Variants in PIEZO2 observed in about 807,000 individuals in gnomAD.
The protein encoded by PIEZO2 is piezo type mechanosensitive ion channel component 2.
A neutral mutation model predicts 337.3 loss-of-function variants in PIEZO2; 172 were observed. The observed-to-expected ratio is 0.51, with a 90% CI of 0.45 to 0.58. PIEZO2 has a LOEUF of 0.58. Ranked by LOEUF, PIEZO2 falls within the 20% of genes least tolerant of loss-of-function variation. PIEZO2 has a pLI of 0.00. For synonymous variants in PIEZO2, 1,251 were observed against 1,228.5 expected (o/e 1.02, Z -0.38); for missense variants, 3,028 against 3,391.3 (o/e 0.89, Z 2.66).
chr18:11,094,628 C>A lies in PIEZO2; in HGVS notation c.65-28406G>T, dbSNP rs2039209294. The stretch of plus-strand genomic sequence containing the variant: ...GCAACGGCACCCTGGCCCTTCCTAC[C>A]TAACTCCAGCTGCTCTTCCATTTCT... On this transcript the variant is annotated intron_variant, in intron 1 of 55. Transcript: ENST00000674853. The surrounding 1 kb of genome is among the most constrained non-coding windows in gnomAD (Gnocchi z 4.4). Among the ~76,000 whole-genome samples, 1 of 152,204 alleles carries A rather than the reference C, an allele frequency of 6.6e-6. No individual in the cohort carries two copies. The highest frequency in any genetic ancestry group is 6.5e-5 in the Admixed American group (1 of 15,282).
At chr18:11,014,956 A>G (rs1017381718) in intron 2 of PIEZO2, among the ~76,000 whole-genome samples, 1 of 137,260 alleles carries the variant, frequency 7.3e-6, no homozygotes, top group Non-Finnish European at 1.5e-5. Flanking sequence ...AGCGGGGAAC[A>G]TGTCACCCTG....
intron 7 of PIEZO2, among the ~76,000 whole-genome samples, chr18:10,849,900 C>G (rs1472076418): frequency 6.6e-6 from 1 of 152,180 alleles, no homozygotes; most frequent in Non-Finnish European, 1.5e-5. Flanking sequence ...TGGTATATTA[C>G]TGGTCTTAGA....
intron 54 of PIEZO2, 78 bp downstream of exon 54, chr18:10,675,131 G>A: frequency 2.0e-6 from 2 of 1,014,560 alleles, no homozygotes; most frequent in Non-Finnish European, 2.9e-6. Flanking sequence ...GTTTCATGAA[G>A]GTCCAAAGCA....
chr18:10,871,940 C>G (rs1217445949), intron 4 of PIEZO2, among the ~76,000 whole-genome samples: 1 of 152,100 alleles, frequency 6.6e-6, no homozygotes, highest in African/African-American at 2.4e-5. Flanking sequence ...CTTTTAATCC[C>G]AGAGAAACAA....
chr18:10,806,444 G>A (rs750948438), intron 8 of PIEZO2, among the ~76,000 whole-genome samples: 30 of 152,174 alleles, frequency 2.0e-4, no homozygotes, highest in Non-Finnish European at 4.1e-4. Context: ...CCTCCCCTCA[G>A]AAATGCTGTG....
At chr18:11,082,850 G>C (rs1385537976) in intron 1 of PIEZO2, among the ~76,000 whole-genome samples, 1 of 152,014 alleles carries the variant, frequency 6.6e-6, no homozygotes, top group Non-Finnish European at 1.5e-5. Context: ...GTACACCCTG[G>C]GACCTCAAAA....
At chr18:10,829,582 G>C (rs1182836581) in intron 7 of PIEZO2, among the ~76,000 whole-genome samples, 1 of 152,034 alleles carries the variant, frequency 6.6e-6, no homozygotes, top group Non-Finnish European at 1.5e-5. Flanking sequence ...ATTGAGAGCT[G>C]ACAAACAAGT....
chr18:11,003,744 A>G lies in PIEZO2; in HGVS notation c.161-24084T>C, dbSNP rs1346738881. On this transcript the variant is annotated intron_variant, in intron 2 of 55. Transcript: ENST00000674853. The surrounding 1 kb of genome is among the most constrained non-coding windows in gnomAD (Gnocchi z 4.6). Reference sequence around the variant, plus strand: ...TTTACCTAACATGTCCAGCTCTGGGACGTGGGAGGAAACCAGAGTACCTAG... The same window carrying G: ...TTTACCTAACATGTCCAGCTCTGGGGCGTGGGAGGAAACCAGAGTACCTAG... 2.0e-5 allele frequency among the ~76,000 whole-genome samples: 3 copies of G among 152,270 alleles called. No homozygotes were observed. Among genetic ancestry groups the G allele is most frequent in the Middle Eastern group, 6.8e-3 (2 of 294 alleles).
intron 2 of PIEZO2, among the ~76,000 whole-genome samples, chr18:11,029,931 T>C (rs2584734): frequency 0.67 from 102,227 of 152,004 alleles, 35,364 homozygotes; most frequent in African/African-American, 0.83. Flanking sequence ...CGTTCCCCAC[T>C]GAACTGCAAG....
In PIEZO2 at chr18:10,834,903, G is replaced by A. The variant is rs1277883764; in HGVS notation, c.917+20450C>T. On this transcript the variant is annotated intron_variant, in intron 7 of 55. Transcript: ENST00000674853. The surrounding 1 kb of genome is among the most constrained non-coding windows in gnomAD (Gnocchi z 4.5). Reference sequence around the variant, plus strand: ...GTGATCATAAGCTTTTGTTTTGTTTGTGTCCTCCAAAATTCTTAGGTTGAA... The same window carrying A: ...GTGATCATAAGCTTTTGTTTTGTTTATGTCCTCCAAAATTCTTAGGTTGAA... 1.3e-5 allele frequency among the ~76,000 whole-genome samples: 2 copies of A among 152,172 alleles called. No individual in the cohort carries two copies. The highest frequency in any genetic ancestry group is 2.9e-5 in the Non-Finnish European group (2 of 68,036).
chr18:11,008,460 C>A (rs1176897260), intron 2 of PIEZO2, among the ~76,000 whole-genome samples: 1 of 152,194 alleles, frequency 6.6e-6, no homozygotes, highest in African/African-American at 2.4e-5. Flanking sequence ...CTGCACATGT[C>A]GTGGACCACC....
intron 2 of PIEZO2, among the ~76,000 whole-genome samples, chr18:11,054,508 T>C (rs1161207714): frequency 6.6e-6 from 1 of 152,258 alleles, no homozygotes; most frequent in Non-Finnish European, 1.5e-5. Context: ...ACGCCTGCTA[T>C]ATACATCAGG....
At chr18:10,996,332 G>A (rs1173511436) in intron 2 of PIEZO2, among the ~76,000 whole-genome samples, 1 of 152,184 alleles carries the variant, frequency 6.6e-6, no homozygotes, top group Admixed American at 6.5e-5. Flanking sequence ...GATTTCTTGA[G>A]TGCAAATATG....
intron 51 of PIEZO2, among the ~76,000 whole-genome samples, chr18:10,681,171 C>A (rs1239000301): frequency 1.3e-5 from 2 of 152,124 alleles, no homozygotes; most frequent in Non-Finnish European, 2.9e-5. Flanking sequence ...AAAGTAGAAG[C>A]TCCTTCTCCT....
chr18:10,705,251 T>C (rs1679860395), intron 41 of PIEZO2, 85 bp downstream of exon 41: 1 of 1,411,096 alleles, frequency 7.1e-7, no homozygotes, highest in Non-Finnish European at 9.3e-7. Flanking sequence ...TTTCTATATA[T>C]GAATTTTTCT....
chr18:10,924,613 C>G (rs2031616208), intron 3 of PIEZO2, among the ~76,000 whole-genome samples: 1 of 152,140 alleles, frequency 6.6e-6, no homozygotes, highest in East Asian at 1.9e-4. Context: ...AACAAGGTAT[C>G]TTAAGAAACA....
chr18:10,734,881 C>A (rs1387968159), intron 35 of PIEZO2, among the ~76,000 whole-genome samples: 1 of 152,116 alleles, frequency 6.6e-6, no homozygotes, highest in African/African-American at 2.4e-5. Context: ...AATTATCACC[C>A]TTTTTACTCA....
In PIEZO2 at chr18:10,795,381, T is replaced by TGCTTTAAAGAAAAGACCAAAC; in HGVS notation, c.1528-380_1528-379insGTTTGGTCTTTTCTTTAAAGC. On this transcript the variant is annotated intron_variant, in intron 12 of 55. Coordinates refer to ENST00000674853, the MANE Select transcript of PIEZO2 (RefSeq NM_001378183.1). The surrounding 1 kb of genome is among the most constrained non-coding windows in gnomAD (Gnocchi z 4.4). ...TTTATTTTATTTTATTTTATTTTAT[T>TGCTTTAAAGAAAAGACCAAAC]TTATTTTATTTTATTTTATTTTATT... is the stretch of plus-strand genomic sequence containing the variant. 3.9e-5 allele frequency among the ~76,000 whole-genome samples: 1 copy of TGCTTTAAAGAAAAGACCAAAC among 25,872 alleles called. No individual in the cohort carries two copies. Among genetic ancestry groups the TGCTTTAAAGAAAAGACCAAAC allele is most frequent in the Non-Finnish European group, 8.5e-5 (1 of 11,702 alleles). 17.0% of individuals were successfully genotyped at this position (25,872 alleles called of 152,430 possible).
At chr18:11,121,264 A>G (rs944321221) in intron 1 of PIEZO2, among the ~76,000 whole-genome samples, 4 of 152,060 alleles carry the variant, frequency 2.6e-5, no homozygotes, top group Non-Finnish European at 4.4e-5. Flanking sequence ...ACAAAACAAA[A>G]TAAGAATTGG....
Sources: gnomAD v4.1 joint callset for allele counts (sites outside exome capture counted in the v4.1 genomes callset) on GRCh38, gnomAD v4.1.1 for gene constraint, Gnocchi (gnomAD v3.1) non-coding constraint, MANE v1.5 for transcripts, NCBI Gene and HGNC (gene_info 2026-07-23, HGNC 2026-07-21) for gene names.